MYH14: variants seen among roughly 807,000 people sequenced by gnomAD.
MYH14 encodes the protein myosin heavy chain 14.
A neutral mutation model predicts 255.5 loss-of-function variants in MYH14; 123 were observed. That is an observed-to-expected ratio of 0.48 (90% CI 0.42 to 0.56). The LOEUF is 0.56. Among genes scored for constraint, MYH14 ranks in the 20% least tolerant of loss-of-function variants. The probability of loss-of-function intolerance (pLI) is 0.00; values close to 1 mark genes in which losing one functional copy is unlikely to be tolerated. For synonymous variants in MYH14, 1,095 were observed against 1,161.2 expected (o/e 0.94, Z 1.16); for missense variants, 2,423 against 2,802.3 (o/e 0.86, Z 3.06).
Position 50,252,588 on chromosome 19 carries a change from A to G in MYH14, c.1831-51A>G. ...CTGGAAGGCTCCTTAGGAAATCCAG[A>G]GAATGTCTGAGCCTGCAAGTCATCG... On this transcript the variant is annotated intron_variant, in intron 15 of 42. Coordinates refer to ENST00000642316, the MANE Select transcript of MYH14 (RefSeq NM_001145809.2). This position sits in a 1 kb window ranked among gnomAD's most constrained non-coding sequence, Gnocchi z 4.2. 5.5e-6 allele frequency: 7 copies of G among 1,283,938 alleles called. No homozygotes were observed. Among genetic ancestry groups the G allele is most frequent in the Non-Finnish European group, 7.8e-6 (7 of 902,936 alleles). The allele number at this position is 1,283,938 out of a possible 1,614,324, so 79.5% of individuals were successfully genotyped here.
Position 50,252,701 on chromosome 19 carries a change from A to C in MYH14, c.1893A>C (p.Ala631=), listed in dbSNP as rs1419670756. Residue 631 remains alanine (A), a synonymous_variant, in exon 16 of 43, where the codon GCA becomes GCC. Coordinates refer to ENST00000642316, the MANE Select transcript of MYH14 (RefSeq NM_001145809.2). The surrounding 1 kb of genome is among the most constrained non-coding windows in gnomAD (Gnocchi z 4.2). ...TGGACCCTCTGAATGACAACGTCGC[A>C]GCCTTGCTCCACCAGAGCACAGACC... ...KNMDPLNDNV[A]ALLHQSTDRL... 6.2e-7 allele frequency: 1 copy of C among 1,601,554 alleles called. No homozygotes were observed. Among genetic ancestry groups the C allele is most frequent in the Non-Finnish European group, 8.5e-7 (1 of 1,174,376 alleles).
rs187789045 is a variant in MYH14, at chr19:50,301,790, C to T, written c.5599C>T (p.Arg1867Cys). Reference protein sequence around the residue: ...GRLGEEDAGARARHKMTIAAL... With the variant: ...GRLGEEDAGACARHKMTIAAL... ...CCTGGGTGAGGAGGATGCTGGGGCC[C>T]GTGCCCGCCACAAGATGACCATTGC... is the stretch of plus-strand genomic sequence containing the variant. The change falls in exon 40 of 43, where the codon CGT (arginine) becomes TGT (cysteine). Residue 1867 changes from arginine (R) to cysteine (C), a missense_variant. Physicochemically the swap from Arg to Cys is radical, Grantham distance 180 (BLOSUM62 -3). Coordinates refer to ENST00000642316, the MANE Select transcript of MYH14 (RefSeq NM_001145809.2). 6.9e-5 allele frequency: 112 copies of T among 1,612,504 alleles called. No homozygotes were observed. The East Asian group carries it at 1.5e-3, about 22-fold the overall frequency.
chr19:50,262,826 C>T (rs183184444), intron 21 of MYH14, among the ~76,000 whole-genome samples: 5 of 152,154 alleles, frequency 3.3e-5, no homozygotes, highest in East Asian at 1.9e-4. Context: ...GGGGGACGAA[C>T]GGCCAGAACA....
At chr19:50,220,537 A>G (rs2032765908) in intron 3 of MYH14, among the ~76,000 whole-genome samples, 1 of 151,792 alleles carries the variant, frequency 6.6e-6, no homozygotes, top group Non-Finnish European at 1.5e-5. Flanking sequence ...ATTAAATAGC[A>G]TAATATTGTA....
intron 35 of MYH14, among the ~76,000 whole-genome samples, chr19:50,290,356 G>A (rs1033498131): frequency 6.6e-6 from 1 of 151,980 alleles, no homozygotes; most frequent in African/African-American, 2.4e-5. Context: ...TTCATTACTC[G>A]TTCAGTCCAG....
intron 12 of MYH14, among the ~76,000 whole-genome samples, chr19:50,248,257 C>T (rs549950028): frequency 6.6e-6 from 1 of 152,082 alleles, no homozygotes; most frequent in East Asian, 1.9e-4. Context: ...GGTTTTAAGC[C>T]AGGGAGTGAC....
Position 50,230,659 on chromosome 19 carries a change from A to G in MYH14, c.973+36A>G. On this transcript the variant is annotated intron_variant, in intron 9 of 42. Transcript: ENST00000642316. The surrounding 1 kb of genome is among the most constrained non-coding windows in gnomAD (Gnocchi z 4.7). ...CCCCGTCCTACCCTGCTCACCCGGG[A>G]GAGGGTGGGCACCATGTCTCTCGGG... 2 of 1,523,592 alleles carry G rather than the reference A, an allele frequency of 1.3e-6. No homozygotes were observed. The highest frequency in any genetic ancestry group is 1.8e-6 in the Non-Finnish European group (2 of 1,123,050). The allele number at this position is 1,523,592 out of a possible 1,614,324, so 94.4% of individuals were successfully genotyped here. A position where few individuals can be genotyped will look rare whatever the true frequency, so the allele number is the denominator to read the frequency against.
At chr19:50,270,632 C>T (rs993772460) in intron 24 of MYH14, among the ~76,000 whole-genome samples, 2 of 151,480 alleles carry the variant, frequency 1.3e-5, no homozygotes, top group Non-Finnish European at 2.9e-5. Flanking sequence ...GTCATGTTGG[C>T]AGTACCCATT....
chr19:50,228,521 A>T (rs1029332737), intron 8 of MYH14, among the ~76,000 whole-genome samples: 16 of 151,826 alleles, frequency 1.1e-4, no homozygotes, highest in African/African-American at 3.6e-4. Context: ...CTTGTGGGAG[A>T]TGCTTCCTGG....
chr19:50,204,400 C>T (rs762794031), intron 1 of MYH14, among the ~76,000 whole-genome samples: 3 of 152,264 alleles, frequency 2.0e-5, no homozygotes, highest in Non-Finnish European at 2.9e-5. Context: ...CCAACTGGGA[C>T]GCAGAAATTC....
rs552050146 is a variant in MYH14, at chr19:50,280,623, G to A, written c.4290+240G>A. Among the ~76,000 whole-genome samples, 60 of 152,060 alleles carry A rather than the reference G, an allele frequency of 3.9e-4. 1 individual carries two copies. In the South Asian group the frequency reaches 6.4e-3, roughly 16 times the overall value. ...CCAGCTCAGCCCCAGCTCCAGTGCC[G>A]TCCTCTCCCATCTAGATCCTCCTCT... is the stretch of plus-strand genomic sequence containing the variant. On this transcript the variant is annotated intron_variant, in intron 32 of 42. Coordinates refer to ENST00000642316, the MANE Select transcript of MYH14 (RefSeq NM_001145809.2). The surrounding 1 kb of genome is among the most constrained non-coding windows in gnomAD (Gnocchi z 4.8).
chr19:50,302,352 C>T (rs915576179), intron 40 of MYH14, among the ~76,000 whole-genome samples: 1 of 150,162 alleles, frequency 6.7e-6, no homozygotes, highest in African/African-American at 2.5e-5. Context: ...GAGGCCAAGG[C>T]GGGCAGATCA....
Position 50,293,227 on chromosome 19 carries a change from TCA to T in MYH14, c.5257-3_5257-2del. Reference sequence around the variant, plus strand: ...ACACCCACCGGCCACCCCTCCATCATCACAGGAACTGGCCGCCTCGGACCGTG... The same window carrying T: ...ACACCCACCGGCCACCCCTCCATCATCAGGAACTGGCCGCCTCGGACCGTG... On this transcript the variant is annotated splice_polypyrimidine_tract_variant and splice_region_variant and intron_variant, in intron 37 of 42. Coordinates refer to ENST00000642316, the MANE Select transcript of MYH14 (RefSeq NM_001145809.2). The surrounding 1 kb of genome is among the most constrained non-coding windows in gnomAD (Gnocchi z 4.1). The T allele has an allele frequency of 6.3e-7, 1 of 1,598,630 alleles. No homozygotes were observed. Among genetic ancestry groups the T allele is most frequent in the Non-Finnish European group, 8.5e-7 (1 of 1,172,946 alleles).
intron 42 of MYH14, 65 bp downstream of exon 42, chr19:50,309,242 C>G (rs556263602): frequency 6.6e-7 from 1 of 1,509,660 alleles, no homozygotes. Flanking sequence ...ACCCCAGGGA[C>G]GCGAGGCCGT....
intron 1 of MYH14, among the ~76,000 whole-genome samples, chr19:50,209,107 G>A (rs74534633): frequency 0.021 from 3,255 of 152,182 alleles, 89 homozygotes; most frequent in African/African-American, 0.068. Context: ...GTGGTGAGCC[G>A]TGGTTGTACC....
At chr19:50,220,986 C>T (rs539485457) in intron 3 of MYH14, among the ~76,000 whole-genome samples, 1 of 152,228 alleles carries the variant, frequency 6.6e-6, no homozygotes, top group South Asian at 2.1e-4. Flanking sequence ...CATTTAACCT[C>T]GTAGCAAATC....
At chr19:50,213,231 G>A (rs1026966895) in intron 2 of MYH14, among the ~76,000 whole-genome samples, 3 of 152,154 alleles carry the variant, frequency 2.0e-5, no homozygotes, top group Non-Finnish European at 2.9e-5. Flanking sequence ...TTACAGGGGT[G>A]AGCCACTGCA....
rs139215122 is a variant in MYH14 at position 50,232,038 on chromosome 19, G to A, written c.1082G>A (p.Arg361Gln). ...ELFQETLESLRVLGFSHEEII... is the reference protein window; with the variant it reads ...ELFQETLESLQVLGFSHEEII... Reference sequence around the variant, plus strand: ...TTCCAGGAGACGCTGGAGTCGCTGCGGGTCCTGGGATTCAGCCACGAGGAA... The same window carrying A: ...TTCCAGGAGACGCTGGAGTCGCTGCAGGTCCTGGGATTCAGCCACGAGGAA... Residue 361 changes from arginine (R) to glutamine (Q), a missense_variant, in exon 10 of 43, where the codon CGG becomes CAG. Physicochemically the swap from Arg to Gln is conservative, Grantham distance 43. Around this residue, in one of 3 missense-constraint regions of MYH14, gnomAD observed 672 missense variants for 881.8 expected, o/e 0.76. Transcript: ENST00000642316. 43 of 1,613,092 alleles carry A rather than the reference G, an allele frequency of 2.7e-5. No homozygotes were observed. Among genetic ancestry groups the A allele is most frequent in the Middle Eastern group, 1.6e-4 (1 of 6,062 alleles).
rs765347682 is a variant in MYH14 at position 50,261,620 on chromosome 19, G to A, written c.2570G>A (p.Gly857Glu). The A allele has an allele frequency of 1.3e-6, 2 of 1,598,986 alleles. No homozygotes were observed. The highest frequency in any genetic ancestry group is 4.6e-5 in the East Asian group (2 of 43,592). Residue 857 changes from glycine to glutamate, a missense_variant, in exon 21 of 43, where the codon GGA becomes GAA. This residue lies in a region of MYH14 where 1,513 missense variants were observed against 1,674.8 expected (regional missense o/e 0.90). Coordinates refer to ENST00000642316, the MANE Select transcript of MYH14 (RefSeq NM_001145809.2). Reference protein sequence around the residue: ...IIVSFQAAARGYLARRAFQKR... With the variant: ...IIVSFQAAAREYLARRAFQKR... Reference sequence around the variant, plus strand: ...GTCTCCTTCCAGGCAGCTGCCCGGGGATACCTGGCTCGCAGGTGGGCAGCC... The same window carrying A: ...GTCTCCTTCCAGGCAGCTGCCCGGGAATACCTGGCTCGCAGGTGGGCAGCC...
Sources: allele counts gnomAD v4.1 joint callset (sites outside exome capture counted in the v4.1 genomes callset), GRCh38; gene constraint gnomAD v4.1.1; regional missense constraint gnomAD v4.1.1; non-coding constraint Gnocchi (gnomAD v3.1); transcripts MANE v1.5; gene names NCBI Gene and HGNC (gene_info 2026-07-23, HGNC 2026-07-21).